The following NRXN1 variants were observed in gnomAD, a reference collection of about 807,000 sequenced individuals.
NRXN1 encodes neurexin-1.
A neutral mutation model predicts 150.9 loss-of-function variants in NRXN1; 39 were observed. That is an observed-to-expected ratio of 0.26 (90% CI 0.20 to 0.34). NRXN1 has a LOEUF of 0.34. Ranked by LOEUF, NRXN1 falls within the 10% of genes least tolerant of loss-of-function variation. NRXN1 has a pLI of 1.00. For missense variants in NRXN1, 1,815 were observed against 1,949.9 expected (o/e 0.93, Z 1.30); for synonymous variants, 924 against 757.0 (o/e 1.22, Z -3.62).
At chr2:50,811,636 T>C (rs1050605836) in intron 5 of NRXN1, among the ~76,000 whole-genome samples, 1 of 152,214 alleles carries the variant, frequency 6.6e-6, no homozygotes, top group African/African-American at 2.4e-5. Flanking sequence ...GCAGGAGCAC[T>C]GACATGTTTT....
intron 12 of NRXN1, among the ~76,000 whole-genome samples, chr2:50,507,766 G>A (rs1280730229): frequency 6.6e-6 from 1 of 151,302 alleles, no homozygotes; most frequent in Admixed American, 6.6e-5. Context: ...AAGATACATT[G>A]TTTGGTAATG....
At chr2:50,162,144 C>T (rs915489132) in intron 18 of NRXN1, among the ~76,000 whole-genome samples, 1 of 152,068 alleles carries the variant, frequency 6.6e-6, no homozygotes, top group Non-Finnish European at 1.5e-5. Context: ...CCAAATTGCT[C>T]CTTATCCAAA....
intron 9 of NRXN1, among the ~76,000 whole-genome samples, chr2:50,545,298 A>G (rs1397460574): frequency 6.6e-6 from 1 of 152,244 alleles, no homozygotes; most frequent in East Asian, 1.9e-4. Flanking sequence ...CATTTTAAAC[A>G]TGATCATACA....
intron 8 of NRXN1, chr2:50,615,824 T>C (rs1266268159): frequency 2.0e-5 from 3 of 152,184 alleles, no homozygotes; most frequent in Non-Finnish European, 4.4e-5. Flanking sequence ...TCTCCTTTTG[T>C]AGCAGTCACT....
intron 21 of NRXN1, among the ~76,000 whole-genome samples, chr2:50,020,817 G>T (rs952177032): frequency 6.6e-6 from 1 of 152,122 alleles, no homozygotes; most frequent in Non-Finnish European, 1.5e-5. Flanking sequence ...TATAATTACA[G>T]TAGTAAAAAT....
At chr2:50,616,609 G>C (rs909417515) in intron 8 of NRXN1, 15 of 152,040 alleles carry the variant, frequency 9.9e-5, no homozygotes, top group Non-Finnish European at 2.2e-4. Context: ...TCCTTGATAG[G>C]GTTCTGTATT....
intron 17 of NRXN1, among the ~76,000 whole-genome samples, chr2:50,303,458 G>C (rs7601648): frequency 0.54 from 82,765 of 151,880 alleles, 22,829 homozygotes; most frequent in Non-Finnish European, 0.57. Context: ...TCTCTTCTTT[G>C]GCTTTATAGT....
chr2:49,920,697 CGTGTGTGTGTGTGTGTGTGTGTGTGTGT>C lies in NRXN1; in HGVS notation c.*1219_*1246del, dbSNP rs66612444. ...CATATCTGATGGATTGCTGTGGATT[CGTGTGTGTGTGTGTGTGTGTGTGTGTGT>C]GTGTGTGTGTGTGTGTGTGAAAATA... is the stretch of plus-strand genomic sequence containing the variant. On this transcript the variant is annotated 3_prime_UTR_variant, in exon 23 of 23. Coordinates refer to ENST00000401669, the MANE Select transcript of NRXN1 (RefSeq NM_001330078.2). 9 of 142,850 alleles carry C rather than the reference CGTGTGTGTGTGTGTGTGTGTGTGTGTGT, an allele frequency of 6.3e-5. No homozygotes were observed. The highest frequency in any genetic ancestry group is 1.9e-4 in the African/African-American group (7 of 37,836). The allele number at this position is 142,850 out of a possible 1,614,324, so 8.8% of individuals were successfully genotyped here.
At chr2:50,289,951 C>A (rs1026883570) in intron 17 of NRXN1, among the ~76,000 whole-genome samples, 22 of 152,156 alleles carry the variant, frequency 1.4e-4, no homozygotes, top group African/African-American at 4.6e-4. Flanking sequence ...TGAGACAACC[C>A]AGTTATTGTT....
chr2:50,984,134 ATT>A lies in NRXN1; in HGVS notation c.772+43366_772+43367del, dbSNP rs70958636. ...AGGTGCTCACTGCCACGCCAGGCTA[ATT>A]TTTTTTTTTTTTTTTTTTTTTTTTT... On this transcript the variant is annotated intron_variant, in intron 2 of 22. Transcript: ENST00000401669. 2.5e-3 allele frequency among the ~76,000 whole-genome samples: 181 copies of A among 72,790 alleles called. 1 individual carries two copies. Among genetic ancestry groups the A allele is most frequent in the African/African-American group, 8.3e-3 (131 of 15,874 alleles). 47.8% of individuals were successfully genotyped at this position (72,790 alleles called of 152,430 possible).
At chr2:50,650,417 T>A (rs1162172272) in intron 5 of NRXN1, among the ~76,000 whole-genome samples, 1 of 152,054 alleles carries the variant, frequency 6.6e-6, no homozygotes, top group Non-Finnish European at 1.5e-5. Flanking sequence ...TTCCCCTGAA[T>A]CCTCATAAGA....
chr2:49,979,597 C>A (rs971513621), intron 21 of NRXN1, among the ~76,000 whole-genome samples: 4 of 152,024 alleles, frequency 2.6e-5, no homozygotes, highest in African/African-American at 4.8e-5. Context: ...GCATGGATGA[C>A]TTTCAAAAGA....
intron 19 of NRXN1, among the ~76,000 whole-genome samples, chr2:50,069,854 T>G (rs1390634758): frequency 7.9e-5 from 11 of 139,728 alleles, no homozygotes; most frequent in South Asian, 2.2e-4. Context: ...GGGGTTTTTT[T>G]TTTTTTTTTT....
chr2:50,099,577 G>A (rs1420452169), intron 18 of NRXN1, among the ~76,000 whole-genome samples: 4 of 151,922 alleles, frequency 2.6e-5, no homozygotes, highest in African/African-American at 9.7e-5. Context: ...TTAGCTATTA[G>A]CATTATTATT....
chr2:50,771,890 CA>C (rs1703054521), intron 5 of NRXN1, among the ~76,000 whole-genome samples: 1 of 152,022 alleles, frequency 6.6e-6, no homozygotes, highest in Admixed American at 6.6e-5. Context: ...TAAAACTTAT[CA>C]GGGGTGAGAG....
At position 49,962,951 on chromosome 2, in the gene NRXN1, CTAAATAAA is replaced by C. The variant is rs113862669; in HGVS notation, c.4129-19168_4129-19161del. ...TGGGCAACAAATTGAGAGCCTGCCT[CTAAATAAA>C]TAAATAAATAAATAAATAAATAAAA... On this transcript the variant is annotated intron_variant, in intron 21 of 22. Transcript: ENST00000401669. 3.1e-4 allele frequency among the ~76,000 whole-genome samples: 46 copies of C among 148,498 alleles called. 1 individual carries two copies. The highest frequency in any genetic ancestry group is 4.2e-4 in the African/African-American group (17 of 40,120).
intron 2 of NRXN1, among the ~76,000 whole-genome samples, chr2:50,991,271 A>G (rs1034433800): frequency 1.3e-5 from 2 of 152,058 alleles, no homozygotes; most frequent in African/African-American, 4.8e-5. Context: ...ATTTTAAAAA[A>G]TAAGGTGGAT....
intron 5 of NRXN1, among the ~76,000 whole-genome samples, chr2:50,758,978 T>G (rs902476916): frequency 3.3e-5 from 5 of 151,940 alleles, no homozygotes; most frequent in Admixed American, 6.6e-5. Flanking sequence ...ATCAGAAACC[T>G]GTGCACAAGA....
In NRXN1 at chr2:50,010,418, A is replaced by G. The variant is rs566958846; in HGVS notation, c.4128+42853T>C. Among the ~76,000 whole-genome samples the G allele has an allele frequency of 8.5e-5, 13 of 152,250 alleles. No homozygotes were observed. The East Asian group carries it at 2.1e-3, about 25-fold the overall frequency. ...TTGTCTTATCTTTTTAAAATATCCAAGTCAGATCTGATGAAAACGATAAGC... is the reference window on the plus strand; with the variant it reads ...TTGTCTTATCTTTTTAAAATATCCAGGTCAGATCTGATGAAAACGATAAGC... On this transcript the variant is annotated intron_variant, in intron 21 of 22. Coordinates refer to ENST00000401669, the MANE Select transcript of NRXN1 (RefSeq NM_001330078.2).
Sources: allele counts gnomAD v4.1 joint callset (sites outside exome capture counted in the v4.1 genomes callset), GRCh38; gene constraint gnomAD v4.1.1; transcripts MANE v1.5; gene names NCBI Gene and HGNC (gene_info 2026-07-23, HGNC 2026-07-21).